Variants in MAP3K5 observed in about 807,000 individuals in gnomAD.
The protein encoded by MAP3K5 is ASK-1.
In MAP3K5, 56 loss-of-function variants were observed where a neutral mutation model predicts 158.7. The ratio of observed to expected loss-of-function variants is 0.35; its 90% confidence interval spans 0.28 to 0.44. MAP3K5 has a LOEUF of 0.44. Ranked by LOEUF, MAP3K5 falls within the 20% of genes least tolerant of loss-of-function variation. MAP3K5 has a pLI of 1.00. For synonymous variants in MAP3K5, 579 were observed against 601.7 expected (o/e 0.96, Z 0.55); for missense variants, 1,294 against 1,674.8 (o/e 0.77, Z 3.97).
At chr6:136,680,681 A>T (rs1245830503) in intron 7 of MAP3K5, among the ~76,000 whole-genome samples, 1 of 152,196 alleles carries the variant, frequency 6.6e-6, no homozygotes, top group African/African-American at 2.4e-5. Flanking sequence ...TGCAAAAATA[A>T]ATTATTCTCA....
intron 2 of MAP3K5, among the ~76,000 whole-genome samples, chr6:136,714,809 C>A (rs544150445): frequency 1.9e-4 from 29 of 152,048 alleles, no homozygotes; most frequent in Non-Finnish European, 3.4e-4. Flanking sequence ...TTTTTAAGGG[C>A]TAATTTAGTG....
intron 7 of MAP3K5, among the ~76,000 whole-genome samples, chr6:136,692,916 A>G (rs943581049): frequency 1.3e-5 from 2 of 152,090 alleles, no homozygotes; most frequent in Admixed American, 1.3e-4. Flanking sequence ...AGATTGCACC[A>G]CTACACTACA....
chr6:136,611,286 A>G lies in MAP3K5; in HGVS notation c.2517T>C (p.Phe839=). 1.2e-6 allele frequency: 2 copies of G among 1,604,366 alleles called. No homozygotes were observed. The highest frequency in any genetic ancestry group is 8.5e-7 in the Non-Finnish European group (1 of 1,171,488). ...LAGINPCTET[F]TGTLQYMAPE... Reference sequence around the variant, plus strand: ...ATCATCATTGCAAAAACATACCAGTAAAAGTTTCAGTACAGGGGTTTATGC... The same window carrying G: ...ATCATCATTGCAAAAACATACCAGTGAAAGTTTCAGTACAGGGGTTTATGC... Residue 839 remains phenylalanine, a synonymous_variant, in exon 18 of 30, where the codon TTT becomes TTC. Transcript: ENST00000359015.
intron 7 of MAP3K5, among the ~76,000 whole-genome samples, chr6:136,673,655 T>C (rs1366322242): frequency 6.6e-6 from 1 of 151,484 alleles, no homozygotes; most frequent in Non-Finnish European, 1.5e-5. Flanking sequence ...AAAAACAGTT[T>C]TGGTGAACTA....
intron 10 of MAP3K5, chr6:136,656,067 A>C: frequency 2.2e-6 from 1 of 457,812 alleles, no homozygotes; most frequent in South Asian, 2.2e-5. Flanking sequence ...TCCACCACTT[A>C]TCAAAAGGAA....
chr6:136,740,554 A>G, intron 1 of MAP3K5, among the ~76,000 whole-genome samples: 1 of 152,158 alleles, frequency 6.6e-6, no homozygotes, highest in East Asian at 1.9e-4. Flanking sequence ...TCATATCTGA[A>G]AGACTTCTCC....
intron 1 of MAP3K5, among the ~76,000 whole-genome samples, chr6:136,785,942 T>C (rs1375734557): frequency 6.6e-6 from 1 of 152,228 alleles, no homozygotes; most frequent in Non-Finnish European, 1.5e-5. Flanking sequence ...CTGACCACCA[T>C]GTGCAATACT....
chr6:136,644,948 C>A (rs1778174991), intron 11 of MAP3K5, among the ~76,000 whole-genome samples: 1 of 152,088 alleles, frequency 6.6e-6, no homozygotes, highest in African/African-American at 2.4e-5. Flanking sequence ...ATCACCCCAC[C>A]TCAAAATTTA....
At chr6:136,630,989 C>T (rs916011304) in intron 14 of MAP3K5, among the ~76,000 whole-genome samples, 3 of 152,164 alleles carry the variant, frequency 2.0e-5, no homozygotes, top group Non-Finnish European at 4.4e-5. Flanking sequence ...GTCCCAGCTA[C>T]TCAGAAGGCT....
intron 3 of MAP3K5, among the ~76,000 whole-genome samples, chr6:136,701,177 AG>A (rs1780839081): frequency 6.6e-6 from 1 of 152,224 alleles, no homozygotes; most frequent in Non-Finnish European, 1.5e-5. Context: ...CCTTCCCACT[AG>A]GGGGTTATGC....
chr6:136,606,192 A>G (rs1188487342), intron 18 of MAP3K5, among the ~76,000 whole-genome samples: 2 of 152,150 alleles, frequency 1.3e-5, no homozygotes. Context: ...CTCTACTAAA[A>G]ATACAAAAAT....
In MAP3K5 at chr6:136,557,613, GTT is replaced by G. The variant is rs34705939; in HGVS notation, c.*143_*144del. 2,125 of 467,230 alleles carry G rather than the reference GTT, an allele frequency of 4.5e-3. No homozygotes were observed. Among genetic ancestry groups the G allele is most frequent in the East Asian group, 8.2e-3 (232 of 28,274 alleles). 28.9% of individuals were successfully genotyped at this position (467,230 alleles called of 1,614,324 possible). The stretch of plus-strand genomic sequence containing the variant: ...TAGGAAATTTCAGTGTGTTTTGTCT[GTT>G]TTTTTTTTTTTTAACATGAGTAAAC... On this transcript the variant is annotated 3_prime_UTR_variant, in exon 30 of 30. Transcript: ENST00000359015.
At chr6:136,735,834 A>T (rs1398229900) in intron 1 of MAP3K5, among the ~76,000 whole-genome samples, 1 of 152,186 alleles carries the variant, frequency 6.6e-6, no homozygotes. Context: ...ATCTCTAAAA[A>T]AACAAACAAA....
intron 21 of MAP3K5, among the ~76,000 whole-genome samples, chr6:136,595,627 T>A (rs1011048294): frequency 6.6e-6 from 1 of 152,250 alleles, no homozygotes; most frequent in Non-Finnish European, 1.5e-5. Flanking sequence ...CATATCGTAC[T>A]TATATTCTAA....
intron 6 of MAP3K5, 78 bp downstream of exon 6, chr6:136,695,873 G>T: frequency 2.5e-6 from 2 of 813,664 alleles, no homozygotes; most frequent in African/African-American, 1.7e-5. Context: ...ATGCTGCAGT[G>T]AACACATTCT....
chr6:136,687,760 G>A (rs1360555272), intron 7 of MAP3K5, among the ~76,000 whole-genome samples: 1 of 152,134 alleles, frequency 6.6e-6, no homozygotes, highest in African/African-American at 2.4e-5. Flanking sequence ...TCATTAAAAA[G>A]TCAAGAAACA....
At chr6:136,623,325 A>C (rs1776891724) in intron 14 of MAP3K5, among the ~76,000 whole-genome samples, 1 of 152,206 alleles carries the variant, frequency 6.6e-6, no homozygotes, top group African/African-American at 2.4e-5. Context: ...AACATCTATC[A>C]ATGTCTATCA....
At chr6:136,716,444 T>C (rs981264528) in intron 2 of MAP3K5, among the ~76,000 whole-genome samples, 5 of 152,060 alleles carry the variant, frequency 3.3e-5, no homozygotes, top group Admixed American at 1.3e-4. Context: ...GCCCAGAACA[T>C]AGAGGAGCTG....
At chr6:136,639,712 T>G (rs1215196237) in intron 12 of MAP3K5, 74 bp from the exon 13 acceptor site, 1 of 709,120 alleles carries the variant, frequency 1.4e-6, no homozygotes, top group Non-Finnish European at 2.4e-6. Flanking sequence ...GAAAAAGAAA[T>G]GTTTTAAATT....
Sources: allele counts gnomAD v4.1 joint callset (sites outside exome capture counted in the v4.1 genomes callset), GRCh38; gene constraint gnomAD v4.1.1; transcripts MANE v1.5; gene names NCBI Gene and HGNC (gene_info 2026-07-23, HGNC 2026-07-21).